The following GPC6 variants were observed in gnomAD, a reference collection of about 807,000 sequenced individuals.
The protein encoded by GPC6 is glypican-6.
In GPC6, 14 loss-of-function variants were observed where a neutral mutation model predicts 55.2. That is an observed-to-expected ratio of 0.25 (90% CI 0.17 to 0.40). The LOEUF is 0.40. Among genes scored for constraint, GPC6 ranks in the 10% least tolerant of loss-of-function variants. The probability of loss-of-function intolerance (pLI) is 1.00; values close to 1 mark genes in which losing one functional copy is unlikely to be tolerated. For synonymous variants in GPC6, 278 were observed against 259.6 expected (o/e 1.07, Z -0.68); for missense variants, 641 against 708.5 (o/e 0.90, Z 1.08).
intron 4 of GPC6, among the ~76,000 whole-genome samples, chr13:94,180,513 A>G (rs1888954269): frequency 6.6e-6 from 1 of 152,310 alleles, no homozygotes; most frequent in Non-Finnish European, 1.5e-5. Flanking sequence ...TGAAACCACC[A>G]TTTGGAGGCA....
At chr13:93,578,573 CT>C (rs1428903413) in intron 2 of GPC6, among the ~76,000 whole-genome samples, 1 of 148,574 alleles carries the variant, frequency 6.7e-6, no homozygotes, top group African/African-American at 2.5e-5. Context: ...TTATTTGGGT[CT>C]TTTTTTCTTA....
chr13:93,932,282 C>G (rs1030495175), intron 3 of GPC6, among the ~76,000 whole-genome samples: 6 of 151,958 alleles, frequency 3.9e-5, no homozygotes, highest in Non-Finnish European at 8.8e-5. Context: ...ATAGGCTAGT[C>G]AAAATAATTA....
chr13:94,149,617 C>T (rs753871525), intron 4 of GPC6, among the ~76,000 whole-genome samples: 4 of 152,018 alleles, frequency 2.6e-5, no homozygotes, highest in African/African-American at 4.8e-5. Context: ...TATTTGGAAT[C>T]GTGATGTTTC....
At chr13:93,855,479 C>T (rs939304920) in intron 3 of GPC6, among the ~76,000 whole-genome samples, 1 of 151,616 alleles carries the variant, frequency 6.6e-6, no homozygotes, top group African/African-American at 2.4e-5. Flanking sequence ...ATGAATAAAG[C>T]TTTCATAAAT....
Position 93,990,960 on chromosome 13 carries a change from A to AGAAGGAAGGAAGGAAG in GPC6, c.712-36756_712-36741dup, listed in dbSNP as rs148428200. Among the ~76,000 whole-genome samples, 757 of 150,410 alleles carry AGAAGGAAGGAAGGAAG rather than the reference A, an allele frequency of 5.0e-3. 5 individuals carry two copies. The highest frequency in any genetic ancestry group is 0.016 in the African/African-American group (670 of 40,674). On this transcript the variant is annotated intron_variant, in intron 3 of 8. Coordinates refer to ENST00000377047, the MANE Select transcript of GPC6 (RefSeq NM_005708.5). ...GAGGAGGAAGGAAGGAAGGAAGGAA[A>AGAAGGAAGGAAGGAAG]GAAGGAAGGAAGGAAGGAAGGAAGG...
intron 4 of GPC6, among the ~76,000 whole-genome samples, chr13:94,157,005 G>A (rs540603924): frequency 3.3e-5 from 5 of 152,124 alleles, no homozygotes; most frequent in Admixed American, 2.0e-4. Context: ...CACTATGCGC[G>A]AGGAGCTGTG....
intron 4 of GPC6, among the ~76,000 whole-genome samples, chr13:94,170,407 G>T (rs895172919): frequency 3.9e-5 from 6 of 152,172 alleles, no homozygotes; most frequent in African/African-American, 1.4e-4. Context: ...GACTGAGCTG[G>T]TTGGGCTGAG....
intron 1 of GPC6, among the ~76,000 whole-genome samples, chr13:93,528,545 T>G (rs532435387): frequency 6.6e-6 from 1 of 152,212 alleles, no homozygotes; most frequent in Admixed American, 6.5e-5. Flanking sequence ...AACTTGTCCA[T>G]AAAGATGACA....
At chr13:93,582,291 G>A (rs914040256) in intron 2 of GPC6, among the ~76,000 whole-genome samples, 2 of 152,174 alleles carry the variant, frequency 1.3e-5, no homozygotes, top group African/African-American at 4.8e-5. Context: ...AGGACAGAGA[G>A]CCTATGTCAT....
chr13:93,503,778 T>C (rs1224960406), intron 1 of GPC6, among the ~76,000 whole-genome samples: 1 of 152,128 alleles, frequency 6.6e-6, no homozygotes, highest in Non-Finnish European at 1.5e-5. Flanking sequence ...GAAAAGTGAA[T>C]GCTAATAACC....
intron 1 of GPC6, among the ~76,000 whole-genome samples, chr13:93,406,547 T>C (rs1022603975): frequency 1.3e-5 from 2 of 152,222 alleles, no homozygotes; most frequent in Non-Finnish European, 2.9e-5. Flanking sequence ...GTGCATCCTT[T>C]TTTGAACAAT....
intron 3 of GPC6, among the ~76,000 whole-genome samples, chr13:93,852,153 G>A (rs1888425775): frequency 6.6e-6 from 1 of 151,708 alleles, no homozygotes; most frequent in African/African-American, 2.4e-5. Context: ...TACCGGTTCT[G>A]AGGAATAGGC....
intron 3 of GPC6, among the ~76,000 whole-genome samples, chr13:94,023,975 C>T (rs1882797990): frequency 6.6e-6 from 1 of 151,964 alleles, no homozygotes. Context: ...GTGATGGGGA[C>T]ATTAGATGAG....
At chr13:93,972,819 G>T (rs1181368111) in intron 3 of GPC6, among the ~76,000 whole-genome samples, 1 of 151,998 alleles carries the variant, frequency 6.6e-6, no homozygotes, top group East Asian at 1.9e-4. Flanking sequence ...CTAGCTAAAG[G>T]ACTCTCCCAA....
intron 2 of GPC6, among the ~76,000 whole-genome samples, chr13:93,814,834 T>A (rs1245335453): frequency 6.6e-6 from 1 of 152,222 alleles, no homozygotes; most frequent in Non-Finnish European, 1.5e-5. Flanking sequence ...CTCTTGATGA[T>A]AACTGAATGC....
chr13:93,656,871 A>G (rs948626694), intron 2 of GPC6, among the ~76,000 whole-genome samples: 1 of 152,096 alleles, frequency 6.6e-6, no homozygotes, highest in African/African-American at 2.4e-5. Flanking sequence ...CAAAAGAATA[A>G]AATACTTAGG....
intron 3 of GPC6, among the ~76,000 whole-genome samples, chr13:93,900,424 A>G (rs1165331726): frequency 2.6e-5 from 4 of 152,208 alleles, no homozygotes; most frequent in Admixed American, 1.3e-4. Flanking sequence ...TTCTGTAGCC[A>G]TAGAACAAAA....
chr13:93,379,383 A>G (rs967342197), intron 1 of GPC6, among the ~76,000 whole-genome samples: 4 of 152,226 alleles, frequency 2.6e-5, no homozygotes, highest in Non-Finnish European at 5.9e-5. Context: ...GGACTGATTC[A>G]TATAAGAAAT....
chr13:93,958,500 G>A (rs1879614741), intron 3 of GPC6, among the ~76,000 whole-genome samples: 5 of 152,046 alleles, frequency 3.3e-5, no homozygotes, highest in Non-Finnish European at 1.5e-5. Flanking sequence ...ATCATCAGAT[G>A]GTTATAAATG....
Sources: allele counts gnomAD v4.1 joint callset (sites outside exome capture counted in the v4.1 genomes callset), GRCh38; gene constraint gnomAD v4.1.1; transcripts MANE v1.5; gene names NCBI Gene and HGNC (gene_info 2026-07-23, HGNC 2026-07-21).